SND1: variants seen among roughly 807,000 people sequenced by gnomAD.
SND1 encodes staphylococcal nuclease and tudor domain containing 1.
In SND1, 38 loss-of-function variants were observed where a neutral mutation model predicts 121.7. The observed-to-expected ratio is 0.31, with a 90% CI of 0.24 to 0.41. The LOEUF (loss-of-function observed/expected upper bound fraction) is 0.41, where lower values mean the gene tolerates loss of function less well. Among genes scored for constraint, SND1 ranks in the 10% least tolerant of loss-of-function variants. SND1 has a pLI of 1.00. For missense variants in SND1, 868 were observed against 1,184.6 expected, an observed-to-expected ratio of 0.73 and a Z score of 3.92; for synonymous variants, 401 against 447.4, an observed-to-expected ratio of 0.90 and a Z score of 1.31.
chr7:127,756,536 G>A (rs1449900443), intron 10 of SND1, among the ~76,000 whole-genome samples: 2 of 152,172 alleles, frequency 1.3e-5, no homozygotes, highest in Non-Finnish European at 2.9e-5. Flanking sequence ...AGAATGTAGC[G>A]CCTTTAGGCC....
At chr7:127,713,102 T>C (rs1796325189) in intron 9 of SND1, among the ~76,000 whole-genome samples, 1 of 152,242 alleles carries the variant, frequency 6.6e-6, no homozygotes, top group African/African-American at 2.4e-5. Flanking sequence ...AAGGACCACA[T>C]TGTAAATATT....
chr7:128,018,891 A>G (rs1179290360), intron 16 of SND1, among the ~76,000 whole-genome samples: 3 of 152,240 alleles, frequency 2.0e-5, no homozygotes, highest in African/African-American at 4.8e-5. Context: ...AATAACAGCT[A>G]TGATCCTAAC....
chr7:127,961,480 C>A (rs1003278979), intron 15 of SND1, among the ~76,000 whole-genome samples: 1 of 152,178 alleles, frequency 6.6e-6, no homozygotes, highest in African/African-American at 2.4e-5. Flanking sequence ...AAATTAAATT[C>A]TTTGATTAAG....
intron 12 of SND1, chr7:127,857,780 G>A (rs1229420903): frequency 2.9e-6 from 2 of 680,006 alleles, no homozygotes; most frequent in South Asian, 1.7e-5. Flanking sequence ...CTCACTGCCT[G>A]AGACACTTGG....
chr7:127,900,967 GAGA>G (rs1336518177), intron 13 of SND1, among the ~76,000 whole-genome samples: 1 of 152,190 alleles, frequency 6.6e-6, no homozygotes. Context: ...GACACAGCAG[GAGA>G]AGTTTAGAAG....
intron 10 of SND1, among the ~76,000 whole-genome samples, chr7:127,790,020 T>C (rs1046551955): frequency 5.9e-5 from 9 of 152,254 alleles, no homozygotes; most frequent in Non-Finnish European, 1.2e-4. Flanking sequence ...CTGGTGGTTC[T>C]GAATTGTTTG....
intron 16 of SND1, among the ~76,000 whole-genome samples, chr7:128,006,159 C>G (rs1802968074): frequency 6.6e-6 from 1 of 152,112 alleles, no homozygotes; most frequent in African/African-American, 2.4e-5. Flanking sequence ...CTGTATCCAC[C>G]AGGAATGTAG....
intron 14 of SND1, among the ~76,000 whole-genome samples, chr7:127,925,306 T>G (rs571347523): frequency 2.0e-5 from 3 of 152,328 alleles, no homozygotes; most frequent in South Asian, 2.1e-4. Flanking sequence ...TTCCTGATTA[T>G]TTACACCAGT....
At chr7:127,694,312 T>C (rs886346027) in intron 2 of SND1, among the ~76,000 whole-genome samples, 15 of 152,366 alleles carry the variant, frequency 9.8e-5, no homozygotes, top group Non-Finnish European at 1.8e-4. Flanking sequence ...GGTTTCAGGC[T>C]AGTTTAATAG....
At chr7:127,864,424 A>T (rs1799431548) in intron 12 of SND1, among the ~76,000 whole-genome samples, 2 of 151,664 alleles carry the variant, frequency 1.3e-5, no homozygotes, top group Admixed American at 6.6e-5. Flanking sequence ...CTTCTTGCTG[A>T]TGGTGCTCTT....
chr7:127,808,417 A>G (rs1798278454), intron 11 of SND1, among the ~76,000 whole-genome samples: 1 of 152,082 alleles, frequency 6.6e-6, no homozygotes, highest in Non-Finnish European at 1.5e-5. Context: ...CACCCGCCTC[A>G]GCCTCCCAAA....
At position 127,887,936 on chromosome 7, in the gene SND1, G is replaced by A; in HGVS notation, c.1378G>A (p.Ala460Thr). 1 of 1,612,174 alleles carries A rather than the reference G, an allele frequency of 6.2e-7. No homozygotes were observed. The highest frequency in any genetic ancestry group is 8.5e-7 in the Non-Finnish European group (1 of 1,178,846). Residue 460 changes from alanine to threonine, a missense_variant, in exon 13 of 24, where the codon GCC (alanine) becomes ACC (threonine). Physicochemically the swap from Ala to Thr is moderately conservative, Grantham distance 58 (BLOSUM62 0). Coordinates refer to ENST00000354725, the MANE Select transcript of SND1 (RefSeq NM_014390.4). The stretch of plus-strand genomic sequence containing the variant: ...TGAGGCTCTTGTCAGCAAAGGTCTA[G>A]CCACAGTGATCAGATACCGGCAGGA... ...IAEALVSKGL[A>T]TVIRYRQDDD...
At chr7:128,048,106 A>G (rs1277313624) in intron 16 of SND1, among the ~76,000 whole-genome samples, 2 of 152,076 alleles carry the variant, frequency 1.3e-5, no homozygotes, top group Non-Finnish European at 2.9e-5. Flanking sequence ...TTAGCCTCCC[A>G]AAGTGCTGGG....
intron 16 of SND1, among the ~76,000 whole-genome samples, chr7:128,031,838 A>G (rs1473271960): frequency 6.7e-6 from 1 of 149,388 alleles, no homozygotes; most frequent in Non-Finnish European, 1.5e-5. Flanking sequence ...GTGCGGAGGG[A>G]GCGAGTTCGC....
In SND1 at chr7:128,037,857, C is replaced by G. The variant is rs988512027; in HGVS notation, c.1780-36645C>G. On this transcript the variant is annotated intron_variant, in intron 16 of 23. Coordinates refer to ENST00000354725, the MANE Select transcript of SND1 (RefSeq NM_014390.4). ...CTGATTCCATTCTTAATGATTTTCT[C>G]ACTTTCTCTTTACATTGTCTCTAGA... Among the ~76,000 whole-genome samples, 26 of 152,232 alleles carry G rather than the reference C, an allele frequency of 1.7e-4. 1 individual carries two copies. Among genetic ancestry groups the G allele is most frequent in the Non-Finnish European group, 2.9e-5 (2 of 68,046 alleles).
intron 16 of SND1, chr7:128,030,059 C>T (rs144910660): frequency 3.5e-5 from 57 of 1,613,196 alleles, no homozygotes; most frequent in Non-Finnish European, 4.8e-5. Context: ...GGTTGAACAG[C>T]CCCTCAAAAG....
At chr7:127,930,165 A>G (rs1178047115) in intron 15 of SND1, among the ~76,000 whole-genome samples, 2 of 151,932 alleles carry the variant, frequency 1.3e-5, no homozygotes, top group African/African-American at 4.8e-5. Context: ...GCACACACAA[A>G]TATTCATTCA....
intron 12 of SND1, among the ~76,000 whole-genome samples, chr7:127,871,501 A>T (rs1799585701): frequency 6.6e-6 from 1 of 152,144 alleles, no homozygotes; most frequent in African/African-American, 2.4e-5. Flanking sequence ...ATCTTATGGG[A>T]TCCACCTGCG....
At chr7:127,947,365 TATA>T (rs1164887716) in intron 15 of SND1, among the ~76,000 whole-genome samples, 5 of 152,356 alleles carry the variant, frequency 3.3e-5, no homozygotes, top group African/African-American at 9.6e-5. Flanking sequence ...CCAGGAGCTT[TATA>T]ATGTTATATT....
Sources: gnomAD v4.1 joint callset for allele counts (sites outside exome capture counted in the v4.1 genomes callset) on GRCh38, gnomAD v4.1.1 for gene constraint, MANE v1.5 for transcripts, NCBI Gene and HGNC (gene_info 2026-07-23, HGNC 2026-07-21) for gene names.